The following GALNT13 variants were observed in gnomAD, a reference collection of about 807,000 sequenced individuals.
GALNT13 encodes the protein UDP-GalNAc:polypeptide N-acetylgalactosaminyltransferase 13.
GALNT13 carries 28 observed loss-of-function variants against 64.2 expected under a neutral mutation model. The observed-to-expected ratio is 0.44, with a 90% CI of 0.32 to 0.60. GALNT13 has a LOEUF of 0.60. GALNT13 is among the 20% of genes least tolerant of loss of function. GALNT13 has a pLI of 0.05. For synonymous variants in GALNT13, 214 were observed against 224.6 expected (o/e 0.95, Z 0.42); for missense variants, 577 against 669.8 (o/e 0.86, Z 1.53).
chr2:154,148,487 T>C (rs1040591475), intron 4 of GALNT13, among the ~76,000 whole-genome samples: 3 of 152,160 alleles, frequency 2.0e-5, no homozygotes, highest in African/African-American at 7.2e-5. Flanking sequence ...TCTAGATCCC[T>C]GAGGAATCAC....
intron 4 of GALNT13, among the ~76,000 whole-genome samples, chr2:154,159,736 T>A (rs1558995685): frequency 6.6e-6 from 1 of 152,116 alleles, no homozygotes; most frequent in Admixed American, 6.5e-5. Flanking sequence ...AAAGAGAAAT[T>A]GAAAATAGTC....
intron 3 of GALNT13, among the ~76,000 whole-genome samples, chr2:154,033,010 A>C (rs1365390157): frequency 6.6e-6 from 1 of 151,830 alleles, no homozygotes; most frequent in Non-Finnish European, 1.5e-5. Context: ...TGGGTGCGAA[A>C]GATACAGTCA....
the GALNT13 span, among the ~76,000 whole-genome samples, chr2:153,758,067 G>A: frequency 6.2e-3 from 940 of 152,172 alleles, 10 homozygotes; most frequent in African/African-American, 0.022. Context: ...GACAATTGTT[G>A]TATAGTTTTC....
the GALNT13 span, among the ~76,000 whole-genome samples, chr2:153,859,426 T>A: frequency 6.6e-6 from 1 of 152,162 alleles, no homozygotes; most frequent in African/African-American, 2.4e-5. Flanking sequence ...CTTTTCTTCA[T>A]AAACCAATGA....
At chr2:153,807,853 A>C in the GALNT13 span, among the ~76,000 whole-genome samples, 1 of 152,196 alleles carries the variant, frequency 6.6e-6, no homozygotes, top group African/African-American at 2.4e-5. Context: ...CTGTGAGTTC[A>C]TAACTTTTTG....
the GALNT13 span, among the ~76,000 whole-genome samples, chr2:153,637,079 T>A: frequency 6.6e-6 from 1 of 152,052 alleles, no homozygotes; most frequent in Non-Finnish European, 1.5e-5. Context: ...TACAAAGAAA[T>A]AAAGAAAATA....
chr2:154,154,697 A>C (rs1684294328), intron 4 of GALNT13, among the ~76,000 whole-genome samples: 1 of 152,140 alleles, frequency 6.6e-6, no homozygotes, highest in Non-Finnish European at 1.5e-5. Context: ...AACTTAAGAT[A>C]GCTTCAGGAG....
the GALNT13 span, among the ~76,000 whole-genome samples, chr2:153,518,386 C>T: frequency 2.0e-5 from 3 of 151,922 alleles, no homozygotes; most frequent in Admixed American, 1.3e-4. Flanking sequence ...TTCTGAAATG[C>T]GTATGGAGAC....
chr2:153,345,719 G>GTCCGTCCGTCCTTCCTTCCTTCCT, the GALNT13 span, among the ~76,000 whole-genome samples: 36 of 80,020 alleles, frequency 4.5e-4, 2 homozygotes, highest in African/African-American at 1.3e-3. Flanking sequence ...CTCTCTTTCT[G>GTCCGTCCGTCCTTCCTTCCTTCCT]TCCTTCCTTC....
intron 3 of GALNT13, among the ~76,000 whole-genome samples, chr2:154,130,801 C>T (rs1205673059): frequency 6.6e-6 from 1 of 152,196 alleles, no homozygotes; most frequent in South Asian, 2.1e-4. Context: ...ATCCAGCATG[C>T]TGCTCAAAGC....
the GALNT13 span, among the ~76,000 whole-genome samples, chr2:153,112,374 G>A: frequency 6.6e-6 from 1 of 152,106 alleles, no homozygotes; most frequent in Admixed American, 6.6e-5. Context: ...ATGACTGGGT[G>A]TGTTAGTCTG....
intron 1 of GALNT13, among the ~76,000 whole-genome samples, chr2:153,877,132 T>C (rs538184766): frequency 1.3e-5 from 2 of 152,234 alleles, no homozygotes; most frequent in East Asian, 3.9e-4. Flanking sequence ...TTTGTTATCA[T>C]CTTGTAGACT....
intron 2 of GALNT13, among the ~76,000 whole-genome samples, chr2:153,903,401 A>AT: frequency 6.6e-6 from 1 of 152,142 alleles, no homozygotes; most frequent in African/African-American, 2.4e-5. Flanking sequence ...AAGTAATTGC[A>AT]TTTTTGCCAT....
At chr2:154,206,965 T>C (rs889837798) in intron 4 of GALNT13, among the ~76,000 whole-genome samples, 4 of 152,190 alleles carry the variant, frequency 2.6e-5, no homozygotes, top group Non-Finnish European at 4.4e-5. Flanking sequence ...TCTAGAGCTT[T>C]ACTACTTTTT....
intron 4 of GALNT13, among the ~76,000 whole-genome samples, chr2:154,211,178 A>C (rs994573775): frequency 4.6e-5 from 7 of 152,092 alleles, no homozygotes; most frequent in African/African-American, 7.2e-5. Context: ...AACATCATAG[A>C]GTGTACTTAC....
the GALNT13 span, among the ~76,000 whole-genome samples, chr2:153,594,724 C>A: frequency 6.6e-6 from 1 of 152,054 alleles, no homozygotes; most frequent in Non-Finnish European, 1.5e-5. Flanking sequence ...TCAAGCGGGT[C>A]CCCTGACTGT....
the GALNT13 span, among the ~76,000 whole-genome samples, chr2:153,419,433 A>G: frequency 6.6e-6 from 1 of 152,224 alleles, no homozygotes; most frequent in African/African-American, 2.4e-5. Context: ...GAAAAAGGCC[A>G]GTCTCAAAAA....
At chr2:153,264,178 C>T in the GALNT13 span, among the ~76,000 whole-genome samples, 29 of 152,272 alleles carry the variant, frequency 1.9e-4, 1 homozygote, top group East Asian at 5.4e-3. Context: ...GGACAACAAA[C>T]ATATGAAAAG....
At chr2:154,273,441 G>A (rs1691462306) in intron 8 of GALNT13, among the ~76,000 whole-genome samples, 1 of 152,166 alleles carries the variant, frequency 6.6e-6, no homozygotes, top group Non-Finnish European at 1.5e-5. Flanking sequence ...AGGGTTAGGA[G>A]AGAGGTCATC....
Sources: gnomAD v4.1 joint callset for allele counts (sites outside exome capture counted in the v4.1 genomes callset) on GRCh38, gnomAD v4.1.1 for gene constraint, MANE v1.5 for transcripts, NCBI Gene and HGNC (gene_info 2026-07-23, HGNC 2026-07-21) for gene names.